The following CNTN5 variants were observed in gnomAD, a reference collection of about 807,000 sequenced individuals.
CNTN5 encodes the protein contactin 5, also known as contactin-5.
A neutral mutation model predicts 129.1 loss-of-function variants in CNTN5; 77 were observed. The ratio of observed to expected loss-of-function variants is 0.60; its 90% CI spans 0.50 to 0.72. The LOEUF (loss-of-function observed/expected upper bound fraction) is 0.72, where lower values mean the gene tolerates loss of function less well. Among genes scored for constraint, CNTN5 ranks in the 30% least tolerant of loss-of-function variants. The pLI is 0.00. For missense variants in CNTN5, 1,478 were observed against 1,328.8 expected, an observed-to-expected ratio of 1.11 and a Z score of -1.75; for synonymous variants, 509 against 465.6, an observed-to-expected ratio of 1.09 and a Z score of -1.20.
At chr11:99,687,147 ATTCTTCAAT>A (rs1953828900) in intron 3 of CNTN5, among the ~76,000 whole-genome samples, 3 of 147,952 alleles carry the variant, frequency 2.0e-5, no homozygotes, top group African/African-American at 7.3e-5. Flanking sequence ...TACCATTCAA[ATTCTTCAAT>A]TGTTGTTTTG....
At chr11:99,660,111 C>T (rs1961710) in intron 3 of CNTN5, among the ~76,000 whole-genome samples, 20,736 of 151,904 alleles carry the variant, frequency 0.14, 1,865 homozygotes, top group East Asian at 0.31. Context: ...TATTATATAG[C>T]TATATATAAA....
intron 9 of CNTN5, among the ~76,000 whole-genome samples, chr11:100,013,534 G>T (rs1306303438): frequency 6.6e-6 from 1 of 152,102 alleles, no homozygotes; most frequent in Non-Finnish European, 1.5e-5. Flanking sequence ...GTCCTGGATG[G>T]TTTCCATATC....
intron 1 of CNTN5, among the ~76,000 whole-genome samples, chr11:99,201,589 G>A (rs916533774): frequency 6.6e-6 from 1 of 152,086 alleles, no homozygotes; most frequent in African/African-American, 2.4e-5. Context: ...TGCTAATCAG[G>A]TGACATTAAG....
intron 1 of CNTN5, among the ~76,000 whole-genome samples, chr11:99,157,282 C>T (rs1273233045): frequency 6.6e-6 from 1 of 152,010 alleles, no homozygotes; most frequent in Admixed American, 6.5e-5. Flanking sequence ...AAAATCTCCT[C>T]ATAAATCATT....
intron 9 of CNTN5, among the ~76,000 whole-genome samples, chr11:100,033,499 T>C (rs951633480): frequency 2.0e-5 from 3 of 152,308 alleles, no homozygotes; most frequent in South Asian, 2.1e-4. Flanking sequence ...CCATGATGTC[T>C]AATTTCTCCC....
chr11:99,635,879 TC>T (rs1387597135), intron 3 of CNTN5, among the ~76,000 whole-genome samples: 2 of 152,144 alleles, frequency 1.3e-5, no homozygotes, highest in East Asian at 3.9e-4. Flanking sequence ...GGAAAAAATT[TC>T]CCAAGTGGTG....
chr11:99,440,681 T>C (rs1437259039), intron 2 of CNTN5, among the ~76,000 whole-genome samples: 2 of 152,274 alleles, frequency 1.3e-5, no homozygotes, highest in Admixed American at 1.3e-4. Flanking sequence ...AACTTTTTTT[T>C]TTCTGGATGC....
chr11:99,640,603 A>T (rs550781207), intron 3 of CNTN5, among the ~76,000 whole-genome samples: 1 of 152,258 alleles, frequency 6.6e-6, no homozygotes, highest in African/African-American at 2.4e-5. Flanking sequence ...TTATAATACT[A>T]TATTTTTAGT....
chr11:99,283,311 A>G (rs1372233530), intron 1 of CNTN5, among the ~76,000 whole-genome samples: 1 of 152,162 alleles, frequency 6.6e-6, no homozygotes, highest in Non-Finnish European at 1.5e-5. Flanking sequence ...CTAAAAATTT[A>G]GCACTTTTTC....
intron 3 of CNTN5, among the ~76,000 whole-genome samples, chr11:99,756,903 A>C (rs534562426): frequency 9.3e-5 from 13 of 139,208 alleles, no homozygotes; most frequent in Non-Finnish European, 1.4e-4. Flanking sequence ...AATATAGAAA[A>C]CAATAGAGGG....
At chr11:99,183,479 G>T (rs112198570) in intron 1 of CNTN5, among the ~76,000 whole-genome samples, 2,026 of 152,014 alleles carry the variant, frequency 0.013, 24 homozygotes, top group Non-Finnish European at 0.017. Context: ...ATGGTACATT[G>T]GTCACCATTA....
At chr11:100,171,187 G>T (rs1489619620) in intron 13 of CNTN5, among the ~76,000 whole-genome samples, 4 of 151,972 alleles carry the variant, frequency 2.6e-5, no homozygotes, top group Admixed American at 1.3e-4. Flanking sequence ...ATATTAAAAA[G>T]CTTAGCCACG....
At chr11:99,550,842 A>C (rs749490960) in intron 2 of CNTN5, among the ~76,000 whole-genome samples, 1 of 152,146 alleles carries the variant, frequency 6.6e-6, no homozygotes, top group Non-Finnish European at 1.5e-5. Context: ...TGTTTGTTAC[A>C]AGTCTAGTTA....
intron 3 of CNTN5, among the ~76,000 whole-genome samples, chr11:99,620,370 A>G (rs996980473): frequency 7.9e-5 from 12 of 152,132 alleles, no homozygotes; most frequent in Middle Eastern, 3.4e-3. Context: ...AATAAAAAGT[A>G]AACATTCATT....
chr11:99,251,672 C>G (rs1348842487), intron 1 of CNTN5, among the ~76,000 whole-genome samples: 1 of 151,830 alleles, frequency 6.6e-6, no homozygotes, highest in African/African-American at 2.4e-5. Context: ...AGAATCAATG[C>G]CTTCTTTATT....
intron 1 of CNTN5, among the ~76,000 whole-genome samples, chr11:99,068,984 G>C (rs2135240423): frequency 6.6e-6 from 1 of 152,148 alleles, no homozygotes; most frequent in East Asian, 1.9e-4. Context: ...CACAGTTCCA[G>C]GAGAGATTTC....
chr11:99,643,857 T>TTAAAA (rs56168219), intron 3 of CNTN5, among the ~76,000 whole-genome samples: 143,574 of 151,788 alleles, frequency 0.95, 68,421 homozygotes, highest in South Asian at 1. Flanking sequence ...ATAATTTTAA[T>TTAAAA]TAAAAATGTA....
intron 1 of CNTN5, among the ~76,000 whole-genome samples, chr11:99,043,372 C>T (rs1864082793): frequency 6.7e-6 from 1 of 148,568 alleles, no homozygotes; most frequent in Admixed American, 6.9e-5. Flanking sequence ...CAGCATGGCA[C>T]ATGTATACAT....
At chr11:99,869,593 A>G (rs7924881) in intron 6 of CNTN5, among the ~76,000 whole-genome samples, 2,107 of 152,200 alleles carry the variant, frequency 0.014, 53 homozygotes, top group African/African-American at 0.047. Flanking sequence ...TCCGCTGTAT[A>G]TTGTAAATAT....
Sources: gnomAD v4.1 joint callset for allele counts (sites outside exome capture counted in the v4.1 genomes callset) on GRCh38, gnomAD v4.1.1 for gene constraint, MANE v1.5 for transcripts, NCBI Gene and HGNC (gene_info 2026-07-23, HGNC 2026-07-21) for gene names.